The following ZNF131 variants were observed in gnomAD, a reference collection of about 807,000 sequenced individuals.
ZNF131 encodes zinc finger and BTB domain containing 35.
In ZNF131, 7 loss-of-function variants were observed where a neutral mutation model predicts 60.0. The ratio of observed to expected loss-of-function variants is 0.12; its 90% CI spans 0.07 to 0.22. The LOEUF (loss-of-function observed/expected upper bound fraction) is 0.22, where lower values mean the gene tolerates loss of function less well. Ranked by LOEUF, ZNF131 falls within the 10% of genes least tolerant of loss-of-function variation. ZNF131 has a pLI of 1.00. For synonymous variants in ZNF131, 257 were observed against 253.2 expected (o/e 1.01, Z -0.14); for missense variants, 493 against 740.9 (o/e 0.67, Z 3.88).
intron 5 of ZNF131, among the ~76,000 whole-genome samples, chr5:43,165,776 T>C (rs1271164007): frequency 6.6e-6 from 1 of 152,232 alleles, no homozygotes; most frequent in East Asian, 1.9e-4. Flanking sequence ...TTATCTGTCC[T>C]TTAAAGCTTT....
chr5:43,139,145 A>C lies in ZNF131; in HGVS notation c.227-20A>C, dbSNP rs764686905. ...TTGAGTCAATATGATTACATGCTCT[A>C]ATGTACATCTTCTTTACAGGTGTTA... On this transcript the variant is annotated intron_variant, in intron 3 of 6. Transcript: ENST00000682664. 5.8e-6 allele frequency: 9 copies of C among 1,563,574 alleles called. No individual in the cohort carries two copies. The highest frequency in any genetic ancestry group is 6.0e-6 in the Non-Finnish European group (7 of 1,157,082).
chr5:43,133,495 G>A (rs962337074), intron 3 of ZNF131, among the ~76,000 whole-genome samples: 2 of 152,076 alleles, frequency 1.3e-5, no homozygotes, highest in African/African-American at 4.8e-5. Context: ...GGTGACTTTA[G>A]TATTTATTCA....
At chr5:43,142,767 C>T (rs1747023796) in intron 4 of ZNF131, among the ~76,000 whole-genome samples, 1 of 151,860 alleles carries the variant, frequency 6.6e-6, no homozygotes. Flanking sequence ...TCTCAGCTCA[C>T]TGCAGCTTCA....
At chr5:43,136,581 A>G (rs1173598455) in intron 3 of ZNF131, among the ~76,000 whole-genome samples, 1 of 143,268 alleles carries the variant, frequency 7.0e-6, no homozygotes, top group Non-Finnish European at 1.5e-5. Context: ...TAGCCTCCCA[A>G]GTAGCTGGGA....
At chr5:43,152,228 C>T (rs1748409965) in intron 4 of ZNF131, among the ~76,000 whole-genome samples, 1 of 152,152 alleles carries the variant, frequency 6.6e-6, no homozygotes, top group South Asian at 2.1e-4. Flanking sequence ...GTCTCGAACT[C>T]CCGACCTCAA....
chr5:43,155,557 G>A (rs1360973251), intron 4 of ZNF131, among the ~76,000 whole-genome samples: 3 of 152,156 alleles, frequency 2.0e-5, no homozygotes, highest in African/African-American at 7.2e-5. Flanking sequence ...AAGGTAGAGA[G>A]AATGCACTGC....
chr5:43,121,157 G>C (rs1442382131), intron 1 of ZNF131, 34 bp downstream of exon 1: 1 of 153,758 alleles, frequency 6.5e-6, no homozygotes, highest in Non-Finnish European at 1.4e-5. Context: ...CGGAAGGAAG[G>C]GGGCGGGGCA....
At chr5:43,140,091 C>T (rs1458449392) in intron 4 of ZNF131, among the ~76,000 whole-genome samples, 2 of 138,284 alleles carry the variant, frequency 1.4e-5, no homozygotes, top group East Asian at 2.3e-4. Context: ...TAGTGCATGC[C>T]TGTGGTCCCA....
rs146205430 is a variant in ZNF131 at position 43,171,360 on chromosome 5, C to A, written c.1055-1958C>A. On this transcript the variant is annotated intron_variant, in intron 5 of 6. Transcript: ENST00000682664. The stretch of plus-strand genomic sequence containing the variant: ...CCATGTCCCATCTATCATTCCATCT[C>A]CTTTCTCCATTGCCTCTTTGCCCAT... Among the ~76,000 whole-genome samples, 28 of 152,288 alleles carry A rather than the reference C, an allele frequency of 1.8e-4. No homozygotes were observed. The East Asian group carries it at 2.9e-3, about 16-fold the overall frequency.
At chr5:43,121,791 C>T (rs866940476) in intron 1 of ZNF131, 2 of 296,268 alleles carry the variant, frequency 6.8e-6, no homozygotes, top group East Asian at 1.3e-4. Context: ...GGCGCTGTGC[C>T]CACCCCGCTC....
rs114224940 is a variant in ZNF131, at chr5:43,122,625, C to G, written c.124+448C>G. 1.7e-3 allele frequency among the ~76,000 whole-genome samples: 255 copies of G among 152,206 alleles called. 1 individual carries two copies. The highest frequency in any genetic ancestry group is 5.8e-3 in the African/African-American group (242 of 41,514). ...CAGCACTCATACCCCCTTTGAGAAT[C>G]TCCAAAATAAAATGGGGTCTTTACC... On this transcript the variant is annotated intron_variant, in intron 2 of 6. Transcript: ENST00000682664.
chr5:43,145,387 T>C (rs1747454203), intron 4 of ZNF131, among the ~76,000 whole-genome samples: 1 of 152,100 alleles, frequency 6.6e-6, no homozygotes, highest in African/African-American at 2.4e-5. Context: ...GTGCAGTGGC[T>C]TATGCTTGTA....
chr5:43,145,284 A>G (rs1403986098), intron 4 of ZNF131, among the ~76,000 whole-genome samples: 2 of 151,814 alleles, frequency 1.3e-5, no homozygotes, highest in African/African-American at 4.8e-5. Flanking sequence ...TTCTTTAATT[A>G]CTCCTGTTTG....
intron 4 of ZNF131, among the ~76,000 whole-genome samples, chr5:43,152,669 C>T (rs2111769872): frequency 6.6e-6 from 1 of 152,214 alleles, no homozygotes; most frequent in South Asian, 2.1e-4. Flanking sequence ...TGCAGTGGTG[C>T]AATCACAGCT....
chr5:43,128,109 A>G (rs1333851087), intron 3 of ZNF131, among the ~76,000 whole-genome samples: 2 of 152,212 alleles, frequency 1.3e-5, no homozygotes, highest in Non-Finnish European at 2.9e-5. Flanking sequence ...GAGAAGACTT[A>G]GATTCAGTTG....
intron 3 of ZNF131, among the ~76,000 whole-genome samples, chr5:43,132,473 A>G (rs978095238): frequency 6.6e-6 from 1 of 151,726 alleles, no homozygotes; most frequent in Non-Finnish European, 1.5e-5. Context: ...CTGTGAGTAA[A>G]ACATGAAAGT....
At chr5:43,121,790 C>T in intron 1 of ZNF131, 1 of 293,196 alleles carries the variant, frequency 3.4e-6, no homozygotes, top group South Asian at 5.4e-5. Context: ...CGGCGCTGTG[C>T]CCACCCCGCT....
At chr5:43,124,085 GTCTTTTCTTTTCTTT>G (rs66488512) in intron 3 of ZNF131, 1 of 151,738 alleles carries the variant, frequency 6.6e-6, no homozygotes, top group Non-Finnish European at 1.5e-5. Context: ...CATAGACCCT[GTCTTTTCTTTTCTTT>G]TCTTTTCTTT....
At chr5:43,158,126 G>T (rs1749183252) in intron 4 of ZNF131, among the ~76,000 whole-genome samples, 1 of 152,136 alleles carries the variant, frequency 6.6e-6, no homozygotes, top group South Asian at 2.1e-4. Flanking sequence ...GCACCGCCAT[G>T]CCTGGCTGAT....
Sources: allele counts gnomAD v4.1 joint callset (sites outside exome capture counted in the v4.1 genomes callset), GRCh38; gene constraint gnomAD v4.1.1; transcripts MANE v1.5; gene names NCBI Gene and HGNC (gene_info 2026-07-23, HGNC 2026-07-21).